Variants in AGK observed in about 807,000 individuals in gnomAD.
AGK encodes the protein acylglycerol kinase.
In AGK, 52 loss-of-function variants were observed where a neutral mutation model predicts 66.4. The ratio of observed to expected loss-of-function variants is 0.78; its 90% CI spans 0.63 to 0.99. The LOEUF (loss-of-function observed/expected upper bound fraction) is 0.99, where lower values mean the gene tolerates loss of function less well. AGK is among the 50% of genes least tolerant of loss of function. The pLI is 0.00. For missense variants in AGK, 451 were observed against 506.6 expected, an observed-to-expected ratio of 0.89 and a Z score of 1.05; for synonymous variants, 182 against 181.1, an observed-to-expected ratio of 1.00 and a Z score of -0.04.
chr7:141,578,285 G>A (rs1795797329), intron 2 of AGK, among the ~76,000 whole-genome samples: 1 of 151,586 alleles, frequency 6.6e-6, no homozygotes, highest in African/African-American at 2.4e-5. Flanking sequence ...GGGTCACAAG[G>A]TGCTCAGTGG....
chr7:141,561,851 C>T (rs533779048), intron 2 of AGK, among the ~76,000 whole-genome samples: 108 of 152,202 alleles, frequency 7.1e-4, no homozygotes, highest in Middle Eastern at 3.4e-3. Context: ...TCCCATGAGG[C>T]GATATCTTGA....
chr7:141,591,141 G>A (rs1213558770), intron 2 of AGK, among the ~76,000 whole-genome samples: 1 of 144,706 alleles, frequency 6.9e-6, no homozygotes. Context: ...GCCCCAGGCT[G>A]GAGCGCAATG....
In AGK at chr7:141,582,575, T is replaced by C. The variant is rs188172481; in HGVS notation, c.102-10571T>C. Among the ~76,000 whole-genome samples, 31 of 151,998 alleles carry C rather than the reference T, an allele frequency of 2.0e-4. 1 individual carries two copies. Among genetic ancestry groups the C allele is most frequent in the Non-Finnish European group, 4.0e-4 (27 of 68,018 alleles). ...TTTCAGGATCTAGGGCTGTAAAGCA[T>C]CTAAGGGTTGTTGCCAAATGGGCCA... On this transcript the variant is annotated intron_variant, in intron 2 of 15. Coordinates refer to ENST00000649286, the MANE Select transcript of AGK (RefSeq NM_018238.4).
Position 141,596,648 on chromosome 7 carries a change from C to G in AGK, c.221+7C>G, listed in dbSNP as rs1370064627. ...ATCCTGCAGCTTGCAAAGGGTAGTT[C>G]CGTTTGTGACTTGTTATATACTTGC... is the stretch of plus-strand genomic sequence containing the variant. On this transcript the variant is annotated splice_region_variant and intron_variant, in intron 4 of 15. Coordinates refer to ENST00000649286, the MANE Select transcript of AGK (RefSeq NM_018238.4). 2 of 1,612,608 alleles carry G rather than the reference C, an allele frequency of 1.2e-6. No homozygotes were observed. Among genetic ancestry groups the G allele is most frequent in the Non-Finnish European group, 1.7e-6 (2 of 1,178,692 alleles).
intron 5 of AGK, among the ~76,000 whole-genome samples, chr7:141,608,775 A>C (rs545055722): frequency 6.6e-6 from 1 of 152,312 alleles, no homozygotes; most frequent in African/African-American, 2.4e-5. Context: ...CACCTTGTCC[A>C]CAGGGATATC....
intron 2 of AGK, among the ~76,000 whole-genome samples, chr7:141,564,148 C>T (rs1408286487): frequency 2.0e-5 from 3 of 152,180 alleles, no homozygotes; most frequent in African/African-American, 7.2e-5. Flanking sequence ...TGAATAGGTT[C>T]TCTCTGCTTT....
At chr7:141,563,299 A>G (rs569793703) in intron 2 of AGK, among the ~76,000 whole-genome samples, 37 of 152,332 alleles carry the variant, frequency 2.4e-4, no homozygotes, top group African/African-American at 8.7e-4. Flanking sequence ...AAATGGGATC[A>G]GGGTGTAAGG....
At chr7:141,641,220 C>A (rs768048145) in intron 11 of AGK, 28 bp from the exon 12 acceptor site, 2 of 1,589,726 alleles carry the variant, frequency 1.3e-6, no homozygotes, top group Admixed American at 3.8e-5. Context: ...ACATGCATAA[C>A]AAAATTTTTC....
intron 2 of AGK, among the ~76,000 whole-genome samples, chr7:141,583,358 G>T (rs1795922081): frequency 6.6e-6 from 1 of 151,330 alleles, no homozygotes; most frequent in African/African-American, 2.4e-5. Context: ...GAGAGAAGGG[G>T]TGGGGGTGCT....
At chr7:141,559,473 A>G in intron 2 of AGK, among the ~76,000 whole-genome samples, 1 of 152,228 alleles carries the variant, frequency 6.6e-6, no homozygotes, top group East Asian at 1.9e-4. Flanking sequence ...TAGTCTATAT[A>G]TCTGTATTTA....
intron 2 of AGK, among the ~76,000 whole-genome samples, chr7:141,563,479 A>C (rs568063385): frequency 1.3e-5 from 2 of 152,300 alleles, no homozygotes; most frequent in African/African-American, 4.8e-5. Flanking sequence ...CTGGCTTATC[A>C]ATGCCATTTT....
chr7:141,593,088 T>C (rs1358516916), intron 2 of AGK, 58 bp from the exon 3 acceptor site: 1 of 1,472,470 alleles, frequency 6.8e-7, no homozygotes, highest in Non-Finnish European at 9.4e-7. Flanking sequence ...CTCACAAATT[T>C]TGTTTGGATC....
chr7:141,593,573 ATCT>A (rs1796167837), intron 3 of AGK: 5 of 557,428 alleles, frequency 9.0e-6, no homozygotes, highest in Non-Finnish European at 1.6e-5. Flanking sequence ...TAAAAGTCAA[ATCT>A]TCTTAAAATT....
At chr7:141,581,671 A>G (rs976637753) in intron 2 of AGK, among the ~76,000 whole-genome samples, 9 of 151,722 alleles carry the variant, frequency 5.9e-5, no homozygotes, top group African/African-American at 2.2e-4. Context: ...ATACTTGTGG[A>G]TTAAGGTGGG....
At chr7:141,586,677 T>G (rs540442119) in intron 2 of AGK, among the ~76,000 whole-genome samples, 1 of 152,228 alleles carries the variant, frequency 6.6e-6, no homozygotes, top group East Asian at 1.9e-4. Context: ...ATCCAATCCT[T>G]GAAGATGTAA....
At chr7:141,635,480 A>G (rs1395291695) in intron 10 of AGK, among the ~76,000 whole-genome samples, 3 of 152,178 alleles carry the variant, frequency 2.0e-5, no homozygotes, top group African/African-American at 7.2e-5. Context: ...TAATAACACA[A>G]AAAATCAGAT....
chr7:141,642,768 T>C (rs1797318312), intron 13 of AGK, among the ~76,000 whole-genome samples: 1 of 152,244 alleles, frequency 6.6e-6, no homozygotes, highest in Admixed American at 6.5e-5. Flanking sequence ...TAAAGTTTTA[T>C]TGGAGCACAG....
intron 14 of AGK, 27 bp downstream of exon 14, chr7:141,649,360 T>TA (rs1797497389): frequency 1.9e-6 from 3 of 1,539,188 alleles, no homozygotes; most frequent in Admixed American, 1.7e-5. Context: ...TCACAGGAAA[T>TA]GAGGCTTGTG....
chr7:141,598,298 A>G lies in AGK; in HGVS notation c.221+1657A>G, dbSNP rs1309443990. 6.6e-6 allele frequency among the ~76,000 whole-genome samples: 1 copy of G among 152,212 alleles called. No individual in the cohort carries two copies. Among genetic ancestry groups the G allele is most frequent in the Non-Finnish European group, 1.5e-5 (1 of 68,040 alleles). ...TGCCTATTGATCATTTTTGTTTAAT[A>G]TCAATACTAAATCATGCCAACAAAT... On this transcript the variant is annotated intron_variant, in intron 4 of 15. Transcript: ENST00000649286. The surrounding 1 kb of genome is among the most constrained non-coding windows in gnomAD (Gnocchi z 4.2).
Sources: allele counts gnomAD v4.1 joint callset (sites outside exome capture counted in the v4.1 genomes callset), GRCh38; gene constraint gnomAD v4.1.1; non-coding constraint Gnocchi (gnomAD v3.1); transcripts MANE v1.5; gene names NCBI Gene and HGNC (gene_info 2026-07-23, HGNC 2026-07-21).